C1orf167: variants seen among roughly 807,000 people sequenced by gnomAD.
The protein encoded by C1orf167 is uncharacterized protein C1orf167.
In C1orf167, 153 loss-of-function variants were observed where a neutral mutation model predicts 176.5. The ratio of observed to expected loss-of-function variants is 0.87; its 90% CI spans 0.76 to 0.99. The LOEUF is 0.99. C1orf167 is among the 50% of genes least tolerant of loss of function. The probability of loss-of-function intolerance (pLI) is 0.00; values close to 1 mark genes in which losing one functional copy is unlikely to be tolerated. For synonymous variants in C1orf167, 594 were observed against 752.7 expected, an observed-to-expected ratio of 0.79 and a Z score of 3.45; for missense variants, 1,490 against 1,817.7, an observed-to-expected ratio of 0.82 and a Z score of 3.28.
intron 4 of C1orf167, among the ~76,000 whole-genome samples, chr1:11,767,558 C>T (rs1317352221): frequency 6.6e-6 from 1 of 152,148 alleles, no homozygotes; most frequent in Non-Finnish European, 1.5e-5. Context: ...TGCGGTGGCT[C>T]ATGCCTGTAA....
At chr1:11,763,168 G>A (rs1463951905) in intron 1 of C1orf167, among the ~76,000 whole-genome samples, 3 of 152,182 alleles carry the variant, frequency 2.0e-5, no homozygotes, top group Non-Finnish European at 4.4e-5. Flanking sequence ...GGCTGGGTGT[G>A]GTGGCTCACG....
Position 11,784,452 on chromosome 1 carries a change from A to C in C1orf167, c.3284A>C (p.His1095Pro), listed in dbSNP as rs1206696745. The change falls in exon 15 of 21, where the codon CAC becomes CCC. Residue 1095 changes from histidine (H) to proline (P), a missense_variant. Transcript: ENST00000688073. ...GCATGGCCAGTGGCCCCGGGCATGC[A>C]CCATGAGGCCCAGCAGCAGGCAGGA... Reference protein sequence around the residue: ...FPAWPVAPGMHHEAQQQAGES... With the variant: ...FPAWPVAPGMPHEAQQQAGES... The C allele has an allele frequency of 5.4e-6, 7 of 1,303,394 alleles. No homozygotes were observed. The highest frequency in any genetic ancestry group is 7.1e-6 in the Non-Finnish European group (7 of 988,908). The allele number at this position is 1,303,394 out of a possible 1,614,324, so 80.7% of individuals were successfully genotyped here.
chr1:11,773,866 A>G (rs1301308894), intron 8 of C1orf167, among the ~76,000 whole-genome samples: 1 of 151,934 alleles, frequency 6.6e-6, no homozygotes, highest in Admixed American at 6.6e-5. Context: ...AGGTCCATGT[A>G]TGGCAGTTGG....
chr1:11,768,072 C>A lies in C1orf167; in HGVS notation c.1344-5C>A, dbSNP rs1265641466. The A allele has an allele frequency of 4.7e-6, 6 of 1,282,540 alleles. No homozygotes were observed. The highest frequency in any genetic ancestry group is 1.3e-5 in the South Asian group (1 of 79,644). 79.4% of individuals were successfully genotyped at this position (1,282,540 alleles called of 1,614,324 possible). ...ACACCCTGATCAGCCCTGGTCTGTC[C>A]CCAGCTGGCAGCTGTTGTCCAGATG... On this transcript the variant is annotated splice_polypyrimidine_tract_variant and splice_region_variant and intron_variant, in intron 4 of 20. Transcript: ENST00000688073. This position sits in a 1 kb window ranked among gnomAD's most constrained non-coding sequence, Gnocchi z 4.5.
At chr1:11,767,446 A>T (rs1455355956) in intron 4 of C1orf167, among the ~76,000 whole-genome samples, 182 bp downstream of exon 4, 1 of 152,102 alleles carries the variant, frequency 6.6e-6, no homozygotes, top group Non-Finnish European at 1.5e-5. Context: ...GGCCCCAGGG[A>T]CAAGAACGAA....
Position 11,766,554 on chromosome 1 carries a change from C to A in C1orf167, c.768C>A (p.Cys256Ter). ...CGCAGGAGGCAGCCCGACTCAGGTG[C>A]CAGGCTCCCCAGGAACCCCCCGGTG... The part of the protein sequence containing the change: ...CLAQEAARLR[C>*]QAPQEPPGAV... The change falls in exon 3 of 21, where the codon TGC becomes TGA. Residue 256 changes from cysteine to a stop codon, truncating the protein, a stop_gained. Transcript: ENST00000688073. LOFTEE classifies it high-confidence loss of function. The surrounding 1 kb of genome is among the most constrained non-coding windows in gnomAD (Gnocchi z 4.5). The A allele has an allele frequency of 8.0e-7, 1 of 1,243,686 alleles. No homozygotes were observed. Among genetic ancestry groups the A allele is most frequent in the Non-Finnish European group, 1.0e-6 (1 of 965,076 alleles). 77.0% of individuals were successfully genotyped at this position (1,243,686 alleles called of 1,614,324 possible).
intron 8 of C1orf167, among the ~76,000 whole-genome samples, chr1:11,774,582 A>T (rs1643223331): frequency 6.6e-6 from 1 of 152,056 alleles, no homozygotes; most frequent in Non-Finnish European, 1.5e-5. Flanking sequence ...AAAAGGGTAG[A>T]GTGTTCAGAG....
At chr1:11,780,816 G>T (rs74053316) in intron 13 of C1orf167, among the ~76,000 whole-genome samples, 4,338 of 151,990 alleles carry the variant, frequency 0.029, 194 homozygotes, top group African/African-American at 0.097. Context: ...GTTGAGGCGT[G>T]GGAAGGGGTC....
intron 20 of C1orf167, chr1:11,788,979 C>T (rs1643994256): frequency 1.6e-5 from 6 of 386,652 alleles, no homozygotes; most frequent in African/African-American, 4.2e-5. Context: ...CATCAGTTTG[C>T]GAAGAAGGTG....
chr1:11,784,504 G>A lies in C1orf167; in HGVS notation c.3336G>A (p.Gln1112=). The change falls in exon 15 of 21, where the codon CAG becomes CAA. Residue 1112 remains glutamine, a synonymous_variant. Coordinates refer to ENST00000688073, the MANE Select transcript of C1orf167 (RefSeq NM_001010881.2). The part of the protein sequence containing the change: ...AGESAGAQAA[Q]CWTWCWALWV... ...AGAGCGCTGGGGCCCAGGCAGCCCA[G>A]TGCTGGACTTGGTGCTGGGCTCTGT... 1 of 1,302,910 alleles carries A rather than the reference G, an allele frequency of 7.7e-7. No homozygotes were observed. The highest frequency in any genetic ancestry group is 2.4e-4 in the Middle Eastern group (1 of 4,088). The allele number at this position is 1,302,910 out of a possible 1,614,324, so 80.7% of individuals were successfully genotyped here.
rs372728226 is a variant in C1orf167 at position 11,768,369 on chromosome 1, T to C, written c.1542+94T>C. 3 of 1,094,710 alleles carry C rather than the reference T, an allele frequency of 2.7e-6. No homozygotes were observed. In the South Asian group the frequency reaches 4.3e-5, roughly 16 times the overall value. 67.8% of individuals were successfully genotyped at this position (1,094,710 alleles called of 1,614,324 possible). A position where few individuals can be genotyped will look rare whatever the true frequency, so the allele number is the denominator to read the frequency against. On this transcript the variant is annotated intron_variant, in intron 5 of 20. Transcript: ENST00000688073. The surrounding 1 kb of genome is among the most constrained non-coding windows in gnomAD (Gnocchi z 4.5). ...CTACGGAGAGGACACCCACTGGGCA[T>C]AGGTGGCACCTCATGAATGATCAGC...
chr1:11,782,127 A>G (rs1643629334), intron 13 of C1orf167, 62 bp from the exon 14 acceptor site: 2 of 1,184,262 alleles, frequency 1.7e-6, no homozygotes, highest in Non-Finnish European at 2.1e-6. Flanking sequence ...GGCTGCGTAG[A>G]GGCCCATGGG....
At chr1:11,787,351 A>G (rs1314979449) in intron 16 of C1orf167, 37 bp from the exon 17 acceptor site, 3 of 1,224,768 alleles carry the variant, frequency 2.4e-6, no homozygotes, top group Non-Finnish European at 3.2e-6. Context: ...GTCCAAGCCC[A>G]TGGGGTTCAG....
rs572626352 is a variant in C1orf167 at position 11,785,071 on chromosome 1, G to A, written c.3426-77G>A. 81 of 1,144,292 alleles carry A rather than the reference G, an allele frequency of 7.1e-5. No individual in the cohort carries two copies. The South Asian group carries it at 8.0e-4, about 11-fold the overall frequency. 70.9% of individuals were successfully genotyped at this position (1,144,292 alleles called of 1,614,324 possible). ...GGCTGGGCCCGGAAGGCCCCCTCCC[G>A]CAGGGCACTGGGGGGGCTCCCTGCA... On this transcript the variant is annotated intron_variant, in intron 15 of 20. Coordinates refer to ENST00000688073, the MANE Select transcript of C1orf167 (RefSeq NM_001010881.2).
intron 8 of C1orf167, among the ~76,000 whole-genome samples, chr1:11,775,192 T>C (rs1278629900): frequency 6.6e-6 from 1 of 152,102 alleles, no homozygotes; most frequent in Non-Finnish European, 1.5e-5. Context: ...GGGAGGCTGA[T>C]GCAGGAGAAT....
In C1orf167 at chr1:11,766,376, G is replaced by C. The variant is rs141388819; in HGVS notation, c.590G>C (p.Gly197Ala). 7 of 1,268,096 alleles carry C rather than the reference G, an allele frequency of 5.5e-6. No individual in the cohort carries two copies. The highest frequency in any genetic ancestry group is 5.1e-6 in the Non-Finnish European group (5 of 978,376). The allele number at this position is 1,268,096 out of a possible 1,614,324, so 78.6% of individuals were successfully genotyped here. Reference sequence around the variant, plus strand: ...CCTCTCGATGGGCATACACAGCCAGGCCTCAGATCCTGGGGTGGTCTGGGG... The same window carrying C: ...CCTCTCGATGGGCATACACAGCCAGCCCTCAGATCCTGGGGTGGTCTGGGG... ...FAPLDGHTQP[G>A]LRSWGGLGSW... The change falls in exon 3 of 21, where the codon GGC becomes GCC. Residue 197 changes from glycine to alanine, a missense_variant. By Grantham distance (60) the Gly-to-Ala change is moderately conservative. Transcript: ENST00000688073. The surrounding 1 kb of genome is among the most constrained non-coding windows in gnomAD (Gnocchi z 4.5).
intron 13 of C1orf167, among the ~76,000 whole-genome samples, 165 bp downstream of exon 13, chr1:11,780,175 A>G (rs1465512059): frequency 6.6e-6 from 1 of 152,348 alleles, no homozygotes; most frequent in African/African-American, 2.4e-5. Context: ...ACTGTGAGAT[A>G]ACAAACATCT....
intron 1 of C1orf167, among the ~76,000 whole-genome samples, chr1:11,763,758 A>G (rs1438596801): frequency 2.6e-5 from 4 of 152,152 alleles, no homozygotes; most frequent in African/African-American, 9.7e-5. Flanking sequence ...GACGAGGCAG[A>G]ATAAGGGTGA....
chr1:11,767,323 C>T, intron 4 of C1orf167, 59 bp downstream of exon 4: 6 of 1,243,680 alleles, frequency 4.8e-6, no homozygotes, highest in Non-Finnish European at 6.3e-6. Context: ...GCTCAGGACT[C>T]CGCTCCCATT....
Sources: gnomAD v4.1 joint callset for allele counts (sites outside exome capture counted in the v4.1 genomes callset) on GRCh38, gnomAD v4.1.1 for gene constraint, Gnocchi (gnomAD v3.1) non-coding constraint, MANE v1.5 for transcripts, NCBI Gene and HGNC (gene_info 2026-07-23, HGNC 2026-07-21) for gene names.